The following EEFSEC variants were observed in gnomAD, a reference collection of about 807,000 sequenced individuals.
The protein encoded by EEFSEC is eukaryotic elongation factor, selenocysteine-tRNA specific.
In EEFSEC, 43 loss-of-function variants were observed where a neutral mutation model predicts 42.1. The observed-to-expected ratio is 1.02, with a 90% CI of 0.80 to 1.32. The LOEUF is 1.32. Among genes scored for constraint, EEFSEC ranks in the 40% most tolerant of loss-of-function variants. EEFSEC has a pLI of 0.00. For synonymous variants in EEFSEC, 354 were observed against 339.1 expected (o/e 1.04, Z -0.48); for missense variants, 745 against 803.6 (o/e 0.93, Z 0.88).
chr3:128,219,227 C>T (rs1332247144), intron 1 of EEFSEC, among the ~76,000 whole-genome samples: 1 of 152,246 alleles, frequency 6.6e-6, no homozygotes, highest in African/African-American at 2.4e-5. Flanking sequence ...AGCAACTGCC[C>T]TCTGGCCTCC....
chr3:128,153,612 C>A lies in EEFSEC; in HGVS notation c.105C>A (p.Ala35=). The change falls in exon 1 of 7, where the codon GCC becomes GCA. Residue 35 remains alanine, a synonymous_variant. Transcript: ENST00000254730. ...RALSTTASTA[A]FDKQPQSRER... ...TAAGCACCACAGCCTCCACCGCCGC[C>A]TTTGACAAGCAGCCGCAGAGCCGCG... 6.3e-7 allele frequency: 1 copy of A among 1,596,336 alleles called. No homozygotes were observed.
At chr3:128,396,137 C>T (rs938841934) in intron 6 of EEFSEC, among the ~76,000 whole-genome samples, 16 of 152,176 alleles carry the variant, frequency 1.1e-4, no homozygotes, top group African/African-American at 3.4e-4. Flanking sequence ...GGGGGTCCCT[C>T]ATTCTAGAGG....
chr3:128,279,963 G>A (rs770324766), intron 4 of EEFSEC, among the ~76,000 whole-genome samples: 2 of 152,184 alleles, frequency 1.3e-5, no homozygotes, highest in Non-Finnish European at 2.9e-5. Context: ...GCGATACCAC[G>A]TGCCCATCGA....
intron 4 of EEFSEC, among the ~76,000 whole-genome samples, chr3:128,279,144 G>C (rs747166809): frequency 6.6e-6 from 1 of 152,116 alleles, no homozygotes; most frequent in Non-Finnish European, 1.5e-5. Context: ...TGAACCATAC[G>C]GCGGCGGCGT....
intron 4 of EEFSEC, among the ~76,000 whole-genome samples, chr3:128,306,131 G>C (rs943951341): frequency 3.3e-5 from 5 of 152,104 alleles, no homozygotes; most frequent in African/African-American, 1.2e-4. Flanking sequence ...TATGGTCTGT[G>C]TCATGTCAGC....
chr3:128,336,217 T>A (rs1197620782), intron 4 of EEFSEC, among the ~76,000 whole-genome samples: 2 of 152,100 alleles, frequency 1.3e-5, no homozygotes, highest in Non-Finnish European at 2.9e-5. Flanking sequence ...TCTTTACACA[T>A]CAGCTGTTCT....
In EEFSEC at chr3:128,374,190, T is replaced by G. The variant is rs555674535; in HGVS notation, c.1600+15817T>G. Among the ~76,000 whole-genome samples the G allele has an allele frequency of 1.7e-4, 26 of 152,344 alleles. 1 individual carries two copies. The East Asian group carries it at 4.2e-3, about 25-fold the overall frequency. On this transcript the variant is annotated intron_variant, in intron 6 of 6. Transcript: ENST00000254730. Reference sequence around the variant, plus strand: ...GATGCACCATCGGTGCCCAGTGCTGTCATCGACTGTGTGGCTCTTTTGGAC... The same window carrying G: ...GATGCACCATCGGTGCCCAGTGCTGGCATCGACTGTGTGGCTCTTTTGGAC...
intron 1 of EEFSEC, among the ~76,000 whole-genome samples, chr3:128,195,613 C>A (rs900102984): frequency 1.6e-4 from 24 of 152,196 alleles, no homozygotes; most frequent in African/African-American, 5.8e-4. Context: ...TGAGCCTCGT[C>A]TCCTCTCTCC....
chr3:128,389,282 C>G (rs2067879670), intron 6 of EEFSEC, among the ~76,000 whole-genome samples: 3 of 152,268 alleles, frequency 2.0e-5, no homozygotes, highest in African/African-American at 7.2e-5. Context: ...CCGCCCACCA[C>G]TCTGGCAGGC....
chr3:128,310,565 A>G (rs2066878766), intron 4 of EEFSEC, among the ~76,000 whole-genome samples: 1 of 152,226 alleles, frequency 6.6e-6, no homozygotes, highest in Non-Finnish European at 1.5e-5. Flanking sequence ...GTAGGCACAC[A>G]ACAGAACAGT....
At chr3:128,320,516 C>G (rs2066995764) in intron 4 of EEFSEC, among the ~76,000 whole-genome samples, 1 of 152,192 alleles carries the variant, frequency 6.6e-6, no homozygotes, top group Non-Finnish European at 1.5e-5. Flanking sequence ...GAGGTGACAT[C>G]CCTGGCCTGG....
intron 5 of EEFSEC, among the ~76,000 whole-genome samples, chr3:128,348,591 T>C (rs533878457): frequency 1.3e-5 from 2 of 152,320 alleles, no homozygotes; most frequent in South Asian, 2.1e-4. Flanking sequence ...TGGGGGTTTT[T>C]TTGCATGGTA....
intron 1 of EEFSEC, among the ~76,000 whole-genome samples, chr3:128,241,720 G>A (rs1242655842): frequency 1.3e-5 from 2 of 152,204 alleles, no homozygotes; most frequent in Non-Finnish European, 2.9e-5. Context: ...CACTGTGCAT[G>A]TCATAATAGC....
At chr3:128,311,549 G>C (rs2066890195) in intron 4 of EEFSEC, among the ~76,000 whole-genome samples, 1 of 152,220 alleles carries the variant, frequency 6.6e-6, no homozygotes. Flanking sequence ...CTGGCAGCCT[G>C]TCTTCCTCTG....
chr3:128,293,850 G>A (rs1213919176), intron 4 of EEFSEC, among the ~76,000 whole-genome samples: 3 of 152,106 alleles, frequency 2.0e-5, no homozygotes, highest in South Asian at 2.1e-4. Context: ...TCTTCCCTGT[G>A]GAGTTGTTGG....
intron 4 of EEFSEC, among the ~76,000 whole-genome samples, chr3:128,276,184 T>C (rs2066465987): frequency 6.6e-6 from 1 of 152,166 alleles, no homozygotes; most frequent in Non-Finnish European, 1.5e-5. Flanking sequence ...CCCTTGACAG[T>C]GGAAGTCAGG....
chr3:128,222,654 T>C (rs1027810123), intron 1 of EEFSEC, among the ~76,000 whole-genome samples: 2 of 152,264 alleles, frequency 1.3e-5, no homozygotes, highest in African/African-American at 4.8e-5. Flanking sequence ...TGTACAATAT[T>C]ACGCACTTTA....
At chr3:128,209,465 C>T (rs1215194752) in intron 1 of EEFSEC, among the ~76,000 whole-genome samples, 1 of 152,176 alleles carries the variant, frequency 6.6e-6, no homozygotes, top group Non-Finnish European at 1.5e-5. Flanking sequence ...TCTGGGAGAA[C>T]TCCTTTGGGT....
chr3:128,160,812 A>G (rs2107760394), intron 1 of EEFSEC, among the ~76,000 whole-genome samples: 1 of 152,244 alleles, frequency 6.6e-6, no homozygotes, highest in African/African-American at 2.4e-5. Context: ...GCGCGCACAC[A>G]CACACACACA....
Sources: allele counts gnomAD v4.1 joint callset (sites outside exome capture counted in the v4.1 genomes callset), GRCh38; gene constraint gnomAD v4.1.1; transcripts MANE v1.5; gene names NCBI Gene and HGNC (gene_info 2026-07-23, HGNC 2026-07-21).